Variants in ZNF800 observed in about 807,000 individuals in gnomAD.
The protein encoded by ZNF800 is zinc finger protein 800.
ZNF800 carries 13 observed loss-of-function variants against 59.5 expected under a neutral mutation model. The ratio of observed to expected loss-of-function variants is 0.22; its 90% confidence interval spans 0.14 to 0.35. The LOEUF is 0.35. Among genes scored for constraint, ZNF800 ranks in the 10% least tolerant of loss-of-function variants. The pLI, the probability that ZNF800 is intolerant of heterozygous loss-of-function variation, is 1.00. For synonymous variants in ZNF800, 266 were observed against 265.7 expected (o/e 1.00, Z -0.01); for missense variants, 621 against 783.7 (o/e 0.79, Z 2.48).
chr7:127,372,614 A>C, intron 5 of ZNF800: 1 of 984,802 alleles, frequency 1.0e-6, no homozygotes, highest in Non-Finnish European at 1.2e-6. Flanking sequence ...CAAAAAGTTT[A>C]TTAAAAAGAG....
chr7:127,387,202 G>A (rs17865905), intron 2 of ZNF800, among the ~76,000 whole-genome samples: 2,264 of 152,104 alleles, frequency 0.015, 61 homozygotes, highest in African/African-American at 0.052. Flanking sequence ...AGGAAAACTG[G>A]GTTTCTTCAT....
chr7:127,374,021 C>T lies in ZNF800; in HGVS notation c.1315G>A (p.Glu439Lys). Reference protein sequence around the residue: ...NELKGTNHSNEKKNTPAAQKN... With the variant: ...NELKGTNHSNKKKNTPAAQKN... ...TGTGCTGCCGGTGTGTTCTTTTTTT[C>T]ATTTGAATGATTTGTTCCCTTTAAT... The change falls in exon 5 of 6, where the codon GAA (glutamate) becomes AAA (lysine). Residue 439 changes from glutamate (E) to lysine (K), a missense_variant. Glu to Lys is a moderately conservative substitution (Grantham distance 56, BLOSUM62 1). Transcript: ENST00000265827. 6.2e-7 allele frequency: 1 copy of T among 1,613,410 alleles called. No individual in the cohort carries two copies. Among genetic ancestry groups the T allele is most frequent in the Non-Finnish European group, 8.5e-7 (1 of 1,179,810 alleles).
intron 4 of ZNF800, 119 bp from the exon 5 acceptor site, chr7:127,375,153 A>G (rs1041544578): frequency 4.9e-6 from 4 of 812,744 alleles, no homozygotes; most frequent in Non-Finnish European, 7.0e-6. Context: ...GTTTATTTTT[A>G]TAAGAGCATT....
intron 2 of ZNF800, among the ~76,000 whole-genome samples, chr7:127,387,450 A>C (rs1054773057): frequency 6.6e-6 from 1 of 152,232 alleles, no homozygotes; most frequent in Non-Finnish European, 1.5e-5. Context: ...TGTGCTATGT[A>C]TATAGATACA....
intron 2 of ZNF800, among the ~76,000 whole-genome samples, chr7:127,389,136 T>A (rs575878432): frequency 6.6e-6 from 1 of 152,216 alleles, no homozygotes. Context: ...CGTATGGGAC[T>A]TGCTTACAAA....
At chr7:127,361,118 A>G (rs1443710113) in intron 1 of ZNF800, 1 of 152,224 alleles carries the variant, frequency 6.6e-6, no homozygotes, top group African/African-American at 2.4e-5. Context: ...ACTAACTGCC[A>G]CAACAGGAGA....
intron 3 of ZNF800, among the ~76,000 whole-genome samples, chr7:127,380,821 C>A (rs1391780181): frequency 6.6e-6 from 1 of 152,184 alleles, no homozygotes; most frequent in African/African-American, 2.4e-5. Flanking sequence ...GAAATCACCA[C>A]TTACTGCTTA....
In ZNF800 at chr7:127,377,116, C is replaced by T; in HGVS notation, c.301+70G>A. 6 of 1,342,368 alleles carry T rather than the reference C, an allele frequency of 4.5e-6. No homozygotes were observed. The highest frequency in any genetic ancestry group is 6.0e-6 in the Non-Finnish European group (6 of 992,336). The allele number at this position is 1,342,368 out of a possible 1,614,324, so 83.2% of individuals were successfully genotyped here. ...TCAGTAACTAGATACAATTTTAATGCAAATGTATACTTGCAGTATAAGAAT... is the reference window on the plus strand; with the variant it reads ...TCAGTAACTAGATACAATTTTAATGTAAATGTATACTTGCAGTATAAGAAT... On this transcript the variant is annotated intron_variant, in intron 4 of 5. Transcript: ENST00000265827. This position sits in a 1 kb window ranked among gnomAD's most constrained non-coding sequence, Gnocchi z 4.7.
chr7:127,363,142 A>G (rs954173363), intron 1 of ZNF800: 2 of 152,134 alleles, frequency 1.3e-5, no homozygotes, highest in African/African-American at 2.4e-5. Flanking sequence ...TTTAAAAGGA[A>G]GATAAGTTTG....
At chr7:127,389,841 C>T (rs923296226) in intron 2 of ZNF800, among the ~76,000 whole-genome samples, 3 of 151,926 alleles carry the variant, frequency 2.0e-5, no homozygotes, top group African/African-American at 7.2e-5. Context: ...CAAGCAAAAA[C>T]ATTTCAATAC....
At chr7:127,366,788 G>A (rs1800515713), downstream of ZNF800, among the ~76,000 whole-genome samples, 1 of 152,118 alleles carries the variant, frequency 6.6e-6, no homozygotes, top group Admixed American at 6.6e-5. Flanking sequence ...ACAAATGACA[G>A]GACCAAGAGA....
At chr7:127,356,329 G>GT (rs1279641959) in intron 1 of ZNF800, among the ~76,000 whole-genome samples, 1 of 151,760 alleles carries the variant, frequency 6.6e-6, no homozygotes, top group Admixed American at 6.6e-5. Context: ...GATAAATCTT[G>GT]TAAGAAATTT....
chr7:127,382,286 C>T (rs1464127492), intron 3 of ZNF800, among the ~76,000 whole-genome samples: 1 of 152,152 alleles, frequency 6.6e-6, no homozygotes, highest in Non-Finnish European at 1.5e-5. Flanking sequence ...AGTTCCTTTG[C>T]CTCTAGCACA....
chr7:127,352,792 C>T (rs1010411368), intron 1 of ZNF800, among the ~76,000 whole-genome samples: 3 of 152,146 alleles, frequency 2.0e-5, no homozygotes, highest in Non-Finnish European at 4.4e-5. Flanking sequence ...CAGGGTCAGC[C>T]TTAGAAAGCA....
intron 3 of ZNF800, among the ~76,000 whole-genome samples, chr7:127,385,528 G>T (rs929704196): frequency 2.0e-5 from 3 of 152,088 alleles, no homozygotes; most frequent in Non-Finnish European, 4.4e-5. Context: ...AAATCTACCT[G>T]AAGATATCAG....
At position 127,371,665 on chromosome 7, in the gene ZNF800, G is replaced by C. The variant is rs890938245; in HGVS notation, c.*149C>G. The stretch of plus-strand genomic sequence containing the variant: ...AGTGGTTAGATGGTTATTTTAGTCA[G>C]AAAACAGCAGTTATAGTTGAATATT... On this transcript the variant is annotated 3_prime_UTR_variant, in exon 6 of 6. Transcript: ENST00000265827. 7.5e-6 allele frequency: 4 copies of C among 534,192 alleles called. No individual in the cohort carries two copies. In the African/African-American group the frequency reaches 7.9e-5, roughly 11 times the overall value. 33.1% of individuals were successfully genotyped at this position (534,192 alleles called of 1,614,324 possible).
intron 3 of ZNF800, among the ~76,000 whole-genome samples, chr7:127,385,244 C>G (rs148912469): frequency 1.4e-4 from 22 of 152,268 alleles, no homozygotes; most frequent in Non-Finnish European, 2.8e-4. Flanking sequence ...GTATTCTAAT[C>G]CTCTAAGTGT....
At chr7:127,378,595 T>C (rs546032829) in intron 3 of ZNF800, among the ~76,000 whole-genome samples, 2 of 152,204 alleles carry the variant, frequency 1.3e-5, no homozygotes, top group African/African-American at 4.8e-5. Context: ...ATTAATATAG[T>C]AGGGTCTATA....
At chr7:127,379,958 T>C (rs745499272) in intron 3 of ZNF800, among the ~76,000 whole-genome samples, 1 of 150,090 alleles carries the variant, frequency 6.7e-6, no homozygotes, top group Admixed American at 6.7e-5. Flanking sequence ...GGTCCACAGA[T>C]ACACCAAATG....
Sources: allele counts gnomAD v4.1 joint callset (sites outside exome capture counted in the v4.1 genomes callset), GRCh38; gene constraint gnomAD v4.1.1; non-coding constraint Gnocchi (gnomAD v3.1); transcripts MANE v1.5; gene names NCBI Gene and HGNC (gene_info 2026-07-23, HGNC 2026-07-21).